The following RANBP2 variants were observed in gnomAD, a reference collection of about 807,000 sequenced individuals.
RANBP2 encodes E3 SUMO-protein ligase RanBP2.
RANBP2 carries 57 observed loss-of-function variants against 303.6 expected under a neutral mutation model. The ratio of observed to expected loss-of-function variants is 0.19; its 90% CI spans 0.15 to 0.23. The LOEUF is 0.23. Among genes scored for constraint, RANBP2 ranks in the 10% least tolerant of loss-of-function variants. The probability of loss-of-function intolerance (pLI) is 1.00; values close to 1 mark genes in which losing one functional copy is unlikely to be tolerated. For missense variants in RANBP2, 3,138 were observed against 3,780.8 expected, an observed-to-expected ratio of 0.83 and a Z score of 4.46; for synonymous variants, 1,167 against 1,301.5, an observed-to-expected ratio of 0.90 and a Z score of 2.23.
the RANBP2 span, among the ~76,000 whole-genome samples, chr2:108,824,355 A>T: frequency 1.3e-5 from 2 of 152,134 alleles, no homozygotes; most frequent in African/African-American, 2.4e-5. Context: ...TATTTAAAAA[A>T]TTTTTATTTT....
chr2:109,318,405 G>A, the RANBP2 span, among the ~76,000 whole-genome samples: 4 of 152,220 alleles, frequency 2.6e-5, no homozygotes, highest in East Asian at 1.9e-4. Context: ...GCCGCCGAGC[G>A]CCAGAAGATT....
chr2:109,351,678 G>C, the RANBP2 span, among the ~76,000 whole-genome samples: 1 of 152,220 alleles, frequency 6.6e-6, no homozygotes, highest in Admixed American at 6.5e-5. Flanking sequence ...AGTGCCCGCT[G>C]ATCATGGAAT....
the RANBP2 span, among the ~76,000 whole-genome samples, chr2:109,240,415 G>C: frequency 6.6e-6 from 1 of 152,128 alleles, no homozygotes; most frequent in Non-Finnish European, 1.5e-5. Flanking sequence ...TTAAACCTGG[G>C]AGGCGGAGCT....
At chr2:109,713,748 G>C in the RANBP2 span, among the ~76,000 whole-genome samples, 3 of 152,148 alleles carry the variant, frequency 2.0e-5, no homozygotes, top group Non-Finnish European at 2.9e-5. Flanking sequence ...GGCCATTAAA[G>C]GGCATCTGCA....
the RANBP2 span, among the ~76,000 whole-genome samples, chr2:109,145,543 C>T: frequency 6.6e-6 from 1 of 152,260 alleles, no homozygotes; most frequent in Non-Finnish European, 1.5e-5. Context: ...TGCTTCCTCA[C>T]ACATCCTCCA....
At chr2:109,032,517 CA>C in the RANBP2 span, among the ~76,000 whole-genome samples, 1 of 151,902 alleles carries the variant, frequency 6.6e-6, no homozygotes, top group African/African-American at 2.4e-5. Context: ...ACTTTTACAC[CA>C]TGGAAGGGCT....
At chr2:109,460,915 G>A in the RANBP2 span, among the ~76,000 whole-genome samples, 1 of 152,226 alleles carries the variant, frequency 6.6e-6, no homozygotes, top group Non-Finnish European at 1.5e-5. Flanking sequence ...GTCCCAGAGA[G>A]GGGCTGCAGT....
At chr2:108,775,368 GTC>G (rs1677807348) in intron 23 of RANBP2, among the ~76,000 whole-genome samples, 1 of 152,090 alleles carries the variant, frequency 6.6e-6, no homozygotes, top group African/African-American at 2.4e-5. Context: ...AGAAAGTAGA[GTC>G]TCTTTTTTTG....
At chr2:109,595,819 C>T in the RANBP2 span, among the ~76,000 whole-genome samples, 1 of 152,160 alleles carries the variant, frequency 6.6e-6, no homozygotes, top group African/African-American at 2.4e-5. Context: ...AGGCTAAGTG[C>T]CACAGATAAT....
the RANBP2 span, among the ~76,000 whole-genome samples, chr2:109,181,043 C>T: frequency 6.6e-6 from 1 of 152,170 alleles, no homozygotes; most frequent in South Asian, 2.1e-4. Context: ...CTTTGATGGC[C>T]AGCCCGCTGT....
At chr2:109,399,072 G>A in the RANBP2 span, 1 of 1,122,012 alleles carries the variant, frequency 8.9e-7, no homozygotes, top group South Asian at 1.6e-5. Flanking sequence ...GGGGTTGAGT[G>A]GGGTTTGCCC....
At chr2:109,324,270 T>C in the RANBP2 span, among the ~76,000 whole-genome samples, 2 of 152,208 alleles carry the variant, frequency 1.3e-5, no homozygotes, top group South Asian at 2.1e-4. Flanking sequence ...CCTGTGACTA[T>C]TGATGTACAA....
the RANBP2 span, among the ~76,000 whole-genome samples, chr2:109,160,269 C>G: frequency 2.0e-5 from 3 of 152,290 alleles, no homozygotes; most frequent in Admixed American, 2.0e-4. Flanking sequence ...GTGTGACAGA[C>G]AGGCATGAGG....
the RANBP2 span, among the ~76,000 whole-genome samples, chr2:108,973,374 G>A: frequency 6.6e-6 from 1 of 152,190 alleles, no homozygotes; most frequent in African/African-American, 2.4e-5. Flanking sequence ...GGGCAGGAGG[G>A]CGGTGCAGAG....
At chr2:109,503,689 C>T in the RANBP2 span, 1 of 152,210 alleles carries the variant, frequency 6.6e-6, no homozygotes, top group African/African-American at 2.4e-5. Context: ...AGGTGTTCTC[C>T]AGGGAAACCA....
At chr2:109,326,442 G>A in the RANBP2 span, among the ~76,000 whole-genome samples, 1 of 152,108 alleles carries the variant, frequency 6.6e-6, no homozygotes, top group Non-Finnish European at 1.5e-5. Context: ...TGGCGATCAG[G>A]CAGCACTTTG....
chr2:109,078,064 C>A, the RANBP2 span, among the ~76,000 whole-genome samples: 1 of 77,494 alleles, frequency 1.3e-5, no homozygotes, highest in Non-Finnish European at 2.6e-5. Flanking sequence ...ACCTAACTGT[C>A]CATTGACAGA....
chr2:108,788,138 G>C (rs746122384), downstream of RANBP2: 1 of 1,576,926 alleles, frequency 6.3e-7, no homozygotes, highest in Non-Finnish European at 8.6e-7. Context: ...TTAATTTGAG[G>C]CTGGGCGCGG....
At chr2:108,911,167 C>T in the RANBP2 span, 53 of 1,485,086 alleles carry the variant, frequency 3.6e-5, no homozygotes, top group East Asian at 1.2e-3. Context: ...TGGCCCTGCC[C>T]CTGGGATGCT....
Sources: gnomAD v4.1 joint callset for allele counts (sites outside exome capture counted in the v4.1 genomes callset) on GRCh38, gnomAD v4.1.1 for gene constraint, MANE v1.5 for transcripts, NCBI Gene and HGNC (gene_info 2026-07-23, HGNC 2026-07-21) for gene names.